Variants in RHBDL3 observed in about 807,000 individuals in gnomAD.
RHBDL3 encodes rhomboid-related protein 3.
A neutral mutation model predicts 48.2 loss-of-function variants in RHBDL3; 28 were observed. That is an observed-to-expected ratio of 0.58 (90% CI 0.43 to 0.80). RHBDL3 has a LOEUF of 0.80. Ranked by LOEUF, RHBDL3 falls within the 30% of genes least tolerant of loss-of-function variation. The probability of loss-of-function intolerance (pLI) is 0.00; values close to 1 mark genes in which losing one functional copy is unlikely to be tolerated. For synonymous variants in RHBDL3, 208 were observed against 232.3 expected (o/e 0.90, Z 0.95); for missense variants, 464 against 542.7 (o/e 0.85, Z 1.44).
At chr17:32,296,331 CTTTTTT>C (rs5819975) in intron 5 of RHBDL3, among the ~76,000 whole-genome samples, 3 of 83,782 alleles carry the variant, frequency 3.6e-5, no homozygotes, top group Admixed American at 1.6e-4. Flanking sequence ...GAATAGGTCT[CTTTTTT>C]TTTTTTTTTT....
At chr17:32,275,015 CTG>C (rs1332981357) in intron 2 of RHBDL3, among the ~76,000 whole-genome samples, 1 of 152,162 alleles carries the variant, frequency 6.6e-6, no homozygotes, top group Non-Finnish European at 1.5e-5. Flanking sequence ...TGCACCCGCT[CTG>C]CATCTTGCTC....
intron 2 of RHBDL3, among the ~76,000 whole-genome samples, chr17:32,280,058 T>C (rs145532162): frequency 2.6e-5 from 4 of 152,208 alleles, no homozygotes; most frequent in African/African-American, 9.6e-5. Context: ...CTGGTGCGAT[T>C]AAAGGCCGAG....
chr17:32,284,205 A>C (rs62064215), intron 2 of RHBDL3: 25,829 of 153,930 alleles, frequency 0.17, 2,414 homozygotes, highest in African/African-American at 0.24. Context: ...CTTGCAAGGC[A>C]GTGCTTCTTG....
At position 32,294,274 on chromosome 17, in the gene RHBDL3, ACT is replaced by A. The variant is rs1490375909; in HGVS notation, c.520-11_520-10del. 4.3e-6 allele frequency: 7 copies of A among 1,609,790 alleles called. No individual in the cohort carries two copies. The highest frequency in any genetic ancestry group is 1.3e-5 in the African/African-American group (1 of 74,612). ...CTGGGCAGTGTGCACCTAGTAACAG[ACT>A]CTCTCTCTTCTGTCCAGGTTGCCTT... is the stretch of plus-strand genomic sequence containing the variant. On this transcript the variant is annotated intron_variant, in intron 4 of 8. Transcript: ENST00000269051.
chr17:32,267,804 A>C (rs569039432), intron 1 of RHBDL3, 98 bp from the exon 2 acceptor site: 1 of 1,600,212 alleles, frequency 6.2e-7, no homozygotes, highest in Non-Finnish European at 8.5e-7. Context: ...CTGGGAGGCT[A>C]TGTCAGAAAC....
rs141361601 is a variant in RHBDL3, at chr17:32,288,893, G to A, written c.396G>A (p.Ser132=). The change falls in exon 4 of 9, where the codon TCG becomes TCA. Residue 132 remains serine (S), a synonymous_variant. Transcript: ENST00000269051. ...TGGAGGAGAAGGGGCTGAGCCTCTC[G>A]CAGCGACTTATCCGCCATGTGGCCT... ...ALLEEKGLSL[S]QRLIRHVAYE... is the part of the protein sequence containing the mutation. 80 of 1,614,218 alleles carry A rather than the reference G, an allele frequency of 5.0e-5. No individual in the cohort carries two copies. The highest frequency in any genetic ancestry group is 1.8e-4 in the East Asian group (8 of 44,878).
intron 2 of RHBDL3, among the ~76,000 whole-genome samples, chr17:32,281,590 C>A (rs2040050031): frequency 6.6e-6 from 1 of 152,090 alleles, no homozygotes; most frequent in African/African-American, 2.4e-5. Context: ...GCTAGTGAGA[C>A]CCTGTGATGG....
chr17:32,270,397 A>T (rs1369399662), intron 2 of RHBDL3, among the ~76,000 whole-genome samples: 1 of 151,662 alleles, frequency 6.6e-6, no homozygotes, highest in Non-Finnish European at 1.5e-5. Flanking sequence ...GGATTAGACC[A>T]GTCCCTCCAT....
chr17:32,290,947 G>A (rs2040310336), intron 4 of RHBDL3, among the ~76,000 whole-genome samples: 1 of 148,622 alleles, frequency 6.7e-6, no homozygotes, highest in South Asian at 2.1e-4. Context: ...GCTGTAGTGA[G>A]CTGTGTCCAT....
chr17:32,299,669 C>T (rs145457737), intron 6 of RHBDL3, among the ~76,000 whole-genome samples: 204 of 152,284 alleles, frequency 1.3e-3, no homozygotes, highest in African/African-American at 4.6e-3. Context: ...GGACTCAGAC[C>T]TCACCCAAAC....
intron 2 of RHBDL3, among the ~76,000 whole-genome samples, chr17:32,277,524 G>A (rs573179970): frequency 6.6e-6 from 1 of 152,316 alleles, no homozygotes; most frequent in Non-Finnish European, 1.5e-5. Context: ...CGGCTCAGTG[G>A]CCCCATTAGG....
chr17:32,291,771 CTTTTTT>C (rs36113178), intron 4 of RHBDL3, among the ~76,000 whole-genome samples: 1 of 131,270 alleles, frequency 7.6e-6, no homozygotes, highest in Non-Finnish European at 1.6e-5. Context: ...TGAGATATTC[CTTTTTT>C]TTTTTTTTTT....
intron 2 of RHBDL3, among the ~76,000 whole-genome samples, chr17:32,280,020 C>A (rs2040005022): frequency 6.6e-6 from 1 of 152,160 alleles, no homozygotes; most frequent in South Asian, 2.1e-4. Flanking sequence ...CAGCTGTGAC[C>A]TAGAGGATTA....
intron 5 of RHBDL3, among the ~76,000 whole-genome samples, chr17:32,296,651 C>T (rs1025454425): frequency 1.3e-5 from 2 of 151,838 alleles, no homozygotes; most frequent in Admixed American, 6.6e-5. Flanking sequence ...CTTCTTATAC[C>T]AGTAAAGAGA....
chr17:32,278,998 CAT>C lies in RHBDL3; in HGVS notation c.136-5659_136-5658del, dbSNP rs1402318253. On this transcript the variant is annotated intron_variant, in intron 2 of 8. Coordinates refer to ENST00000269051, the MANE Select transcript of RHBDL3 (RefSeq NM_138328.3). ...TAAAAATTAGCCAGGTATGGTAGCA[CAT>C]ACCTGTGGTCCCAGCTACTCAGGAA... is the stretch of plus-strand genomic sequence containing the variant. 2.0e-5 allele frequency among the ~76,000 whole-genome samples: 3 copies of C among 152,204 alleles called. No individual in the cohort carries two copies. The East Asian group carries it at 5.8e-4, about 29-fold the overall frequency.
At chr17:32,272,683 C>G (rs551583284) in intron 2 of RHBDL3, among the ~76,000 whole-genome samples, 12 of 152,356 alleles carry the variant, frequency 7.9e-5, no homozygotes, top group Admixed American at 2.0e-4. Context: ...TGACATTAAC[C>G]CTTTTATTCC....
chr17:32,267,225 G>A (rs1434258819), intron 1 of RHBDL3, among the ~76,000 whole-genome samples: 5 of 152,136 alleles, frequency 3.3e-5, no homozygotes, highest in Non-Finnish European at 7.4e-5. Flanking sequence ...GGCGTCTGCG[G>A]TTAAATCTAT....
At chr17:32,272,736 G>T (rs1237469871) in intron 2 of RHBDL3, among the ~76,000 whole-genome samples, 1 of 152,194 alleles carries the variant, frequency 6.6e-6, no homozygotes, top group Non-Finnish European at 1.5e-5. Context: ...GGGCAACAGG[G>T]CCGAGGGATC....
intron 7 of RHBDL3, among the ~76,000 whole-genome samples, chr17:32,311,759 C>T (rs978291718): frequency 6.6e-5 from 10 of 152,146 alleles, no homozygotes; most frequent in African/African-American, 1.9e-4. Flanking sequence ...GCAAACTCCC[C>T]GTCTTTGTCT....
Sources: gnomAD v4.1 joint callset for allele counts (sites outside exome capture counted in the v4.1 genomes callset) on GRCh38, gnomAD v4.1.1 for gene constraint, MANE v1.5 for transcripts, NCBI Gene and HGNC (gene_info 2026-07-23, HGNC 2026-07-21) for gene names.